The following SUCLG2 variants were observed in gnomAD, a reference collection of about 807,000 sequenced individuals.
SUCLG2 encodes succinate-CoA ligase GDP-forming subunit beta.
A neutral mutation model predicts 47.9 loss-of-function variants in SUCLG2; 42 were observed. That is an observed-to-expected ratio of 0.88 (90% CI 0.69 to 1.14). SUCLG2 has a LOEUF of 1.14. Ranked by LOEUF, SUCLG2 falls within the 50% of genes most tolerant of loss-of-function variation. The probability of loss-of-function intolerance (pLI) is 0.00; values close to 1 mark genes in which losing one functional copy is unlikely to be tolerated. For missense variants in SUCLG2, 571 were observed against 525.9 expected, an observed-to-expected ratio of 1.09 and a Z score of -0.84; for synonymous variants, 195 against 197.3, an observed-to-expected ratio of 0.99 and a Z score of 0.10.
chr3:67,571,996 A>T (rs956175279), intron 2 of SUCLG2, among the ~76,000 whole-genome samples: 1 of 152,222 alleles, frequency 6.6e-6, no homozygotes, highest in African/African-American at 2.4e-5. Context: ...GACAAAGGAA[A>T]CAATCAAGCA....
intron 10 of SUCLG2, among the ~76,000 whole-genome samples, chr3:67,387,431 C>A (rs1405605945): frequency 6.6e-6 from 1 of 152,142 alleles, no homozygotes; most frequent in South Asian, 2.1e-4. Flanking sequence ...TATTGTTTGT[C>A]ACTGGAAATA....
chr3:67,509,277 T>C (rs1575743405), intron 6 of SUCLG2, among the ~76,000 whole-genome samples: 1 of 152,250 alleles, frequency 6.6e-6, no homozygotes, highest in South Asian at 2.1e-4. Flanking sequence ...TGAGAGTTTA[T>C]AATGACTAGG....
intron 9 of SUCLG2, among the ~76,000 whole-genome samples, chr3:67,401,782 T>G (rs1395995655): frequency 6.6e-6 from 1 of 152,180 alleles, no homozygotes; most frequent in Non-Finnish European, 1.5e-5. Context: ...CCACACTAAT[T>G]GTAAAGCATA....
intron 9 of SUCLG2, among the ~76,000 whole-genome samples, chr3:67,476,461 T>C (rs1704760365): frequency 6.6e-6 from 1 of 152,066 alleles, no homozygotes; most frequent in African/African-American, 2.4e-5. Context: ...GATGGGACGA[T>C]CTAGTAGGAA....
intron 2 of SUCLG2, among the ~76,000 whole-genome samples, chr3:67,600,383 G>T (rs1225109531): frequency 5.9e-5 from 9 of 152,186 alleles, no homozygotes; most frequent in African/African-American, 1.9e-4. Flanking sequence ...TGCCTCATTT[G>T]TGTGAAATGT....
chr3:67,509,723 G>A (rs1010241392), intron 6 of SUCLG2, among the ~76,000 whole-genome samples: 8 of 152,164 alleles, frequency 5.3e-5, no homozygotes, highest in Admixed American at 2.0e-4. Context: ...AGGGTGGATC[G>A]TGGAGAAGAA....
At chr3:67,372,643 T>C (rs543151891), downstream of SUCLG2, among the ~76,000 whole-genome samples, 2 of 152,272 alleles carry the variant, frequency 1.3e-5, no homozygotes, top group African/African-American at 4.8e-5. Context: ...CAAAACTGAA[T>C]TGGTTTTCAT....
downstream of SUCLG2, among the ~76,000 whole-genome samples, chr3:67,372,928 C>G (rs1329587264): frequency 1.3e-5 from 2 of 152,114 alleles, no homozygotes; most frequent in Non-Finnish European, 2.9e-5. Context: ...CTCAGCTCTG[C>G]TGTGTAGCAT....
chr3:67,416,477 C>T lies in SUCLG2; in HGVS notation c.1063-15626G>A, dbSNP rs541924391. On this transcript the variant is annotated intron_variant, in intron 9 of 10. Transcript: ENST00000307227. Reference sequence around the variant, plus strand: ...AAAAAATCCCACTATAATAATACTGCTTTGGAAAATGCTAGCTTTTTTTTC... The same window carrying T: ...AAAAAATCCCACTATAATAATACTGTTTTGGAAAATGCTAGCTTTTTTTTC... Among the ~76,000 whole-genome samples the T allele has an allele frequency of 3.9e-4, 59 of 152,186 alleles. No individual in the cohort carries two copies. In the South Asian group the frequency reaches 0.01, roughly 27 times the overall value.
chr3:67,507,058 T>G (rs956137847), intron 7 of SUCLG2, among the ~76,000 whole-genome samples: 1 of 152,196 alleles, frequency 6.6e-6, no homozygotes, highest in African/African-American at 2.4e-5. Flanking sequence ...TAACAACTCC[T>G]AATTTTTCAG....
chr3:67,618,927 CT>C (rs1362543895), intron 1 of SUCLG2, among the ~76,000 whole-genome samples: 2 of 152,198 alleles, frequency 1.3e-5, no homozygotes, highest in Non-Finnish European at 2.9e-5. Flanking sequence ...GGACATCAGA[CT>C]AGGATCAGAC....
In SUCLG2 at chr3:67,526,762, C is replaced by G. The variant is rs117517760; in HGVS notation, c.417+1370G>C. Among the ~76,000 whole-genome samples, 670 of 152,298 alleles carry G rather than the reference C, an allele frequency of 4.4e-3. 8 individuals carry two copies. The East Asian group carries it at 0.053, about 12-fold the overall frequency. ...TTGCTGATGGCAATGTAAAATGGAA[C>G]AGCCATGCTGGAAAACATTCATCAG... On this transcript the variant is annotated intron_variant, in intron 4 of 10. Transcript: ENST00000307227.
chr3:67,491,693 A>G (rs1458659696), intron 9 of SUCLG2, among the ~76,000 whole-genome samples: 1 of 152,074 alleles, frequency 6.6e-6, no homozygotes, highest in Admixed American at 6.5e-5. Context: ...AGGTTAGATG[A>G]TATGTTCACT....
chr3:67,423,948 C>G (rs1438661638), intron 9 of SUCLG2, among the ~76,000 whole-genome samples: 1 of 152,204 alleles, frequency 6.6e-6, no homozygotes, highest in African/African-American at 2.4e-5. Flanking sequence ...ACTTCCCTTC[C>G]TCTTGTTCCA....
intron 2 of SUCLG2, among the ~76,000 whole-genome samples, chr3:67,531,733 G>C (rs1052143390): frequency 4.6e-5 from 7 of 152,124 alleles, no homozygotes; most frequent in African/African-American, 1.7e-4. Context: ...AATATAGTAA[G>C]TCAGCAAGTC....
At chr3:67,376,180 C>T in intron 10 of SUCLG2, 1 of 977,518 alleles carries the variant, frequency 1.0e-6, no homozygotes, top group South Asian at 4.8e-5. Context: ...AGTCACTTGT[C>T]TTAAAGCCCT....
At chr3:67,529,266 G>T in intron 2 of SUCLG2, 80 bp from the exon 3 acceptor site, 2 of 1,040,734 alleles carry the variant, frequency 1.9e-6, no homozygotes, top group South Asian at 3.0e-5. Context: ...AGCAATAATG[G>T]CACATAACTT....
rs551447819 is a variant in SUCLG2, at chr3:67,544,068, A to G, written c.227-14882T>C. On this transcript the variant is annotated intron_variant, in intron 2 of 10. Transcript: ENST00000307227. ...TTAAAATATTAGTGAGCACTTACTT[A>G]TTCTATGGGAATTCAAAAAATTTTT... Among the ~76,000 whole-genome samples the G allele has an allele frequency of 3.6e-4, 55 of 152,342 alleles. No homozygotes were observed. In the South Asian group the frequency reaches 0.011, roughly 30 times the overall value.
intron 2 of SUCLG2, among the ~76,000 whole-genome samples, chr3:67,588,709 GACC>G (rs200986346): frequency 6.6e-6 from 1 of 152,242 alleles, no homozygotes; most frequent in East Asian, 1.9e-4. Context: ...CTAAATATAT[GACC>G]ACTTTTTCAC....
Sources: allele counts gnomAD v4.1 joint callset (sites outside exome capture counted in the v4.1 genomes callset), GRCh38; gene constraint gnomAD v4.1.1; transcripts MANE v1.5; gene names NCBI Gene and HGNC (gene_info 2026-07-23, HGNC 2026-07-21).